Variants in THADA observed in about 807,000 individuals in gnomAD.
The protein encoded by THADA is tRNA (32-2'-O)-methyltransferase regulator THADA.
In THADA, 213 loss-of-function variants were observed where a neutral mutation model predicts 219.8. The ratio of observed to expected loss-of-function variants is 0.97; its 90% CI spans 0.87 to 1.09. The LOEUF is 1.09. Among genes scored for constraint, THADA ranks in the 50% least tolerant of loss-of-function variants. The pLI is 0.00. For missense variants in THADA, 2,956 were observed against 2,311.3 expected (o/e 1.28, Z -5.72); for synonymous variants, 1,018 against 828.9 (o/e 1.23, Z -3.92).
intron 29 of THADA, among the ~76,000 whole-genome samples, chr2:43,360,933 G>C (rs1312347888): frequency 6.6e-6 from 1 of 152,100 alleles, no homozygotes; most frequent in Non-Finnish European, 1.5e-5. Context: ...AGTTCTAAAC[G>C]TGGAATGAGT....
rs573931178 is a variant in THADA, at chr2:43,502,548, G to C, written c.3621+3074C>G. On this transcript the variant is annotated intron_variant, in intron 24 of 37. Transcript: ENST00000405975. ...TGCAGTGAGCTGAGATCGTGCCACT[G>C]CCCTCCAGCCTAGGCCACAGAGTGA... 5.7e-5 allele frequency among the ~76,000 whole-genome samples: 8 copies of C among 141,280 alleles called. No homozygotes were observed. In the East Asian group the frequency reaches 1.0e-3, roughly 18 times the overall value. The allele number at this position is 141,280 out of a possible 152,430, so 92.7% of individuals were successfully genotyped here. A position where few individuals can be genotyped will look rare whatever the true frequency, so the allele number is the denominator to read the frequency against.
intron 26 of THADA, among the ~76,000 whole-genome samples, chr2:43,438,850 TAAC>T (rs752731339): frequency 1.7e-4 from 26 of 152,280 alleles, no homozygotes; most frequent in African/African-American, 5.3e-4. Flanking sequence ...AGTAAGAGAT[TAAC>T]AACAATAATA....
In THADA at chr2:43,542,652, G is replaced by C. The variant is rs576339092; in HGVS notation, c.3107-1336C>G. 2.0e-5 allele frequency among the ~76,000 whole-genome samples: 3 copies of C among 152,270 alleles called. No individual in the cohort carries two copies. In the South Asian group the frequency reaches 6.2e-4, roughly 32 times the overall value. Reference sequence around the variant, plus strand: ...CTAATAAGGTTTGTTTCCTTTAAAAGCCTGCTTGACTTTAAGAACTCTCAC... The same window carrying C: ...CTAATAAGGTTTGTTTCCTTTAAAACCCTGCTTGACTTTAAGAACTCTCAC... On this transcript the variant is annotated intron_variant, in intron 20 of 37. Coordinates refer to ENST00000405975, the MANE Select transcript of THADA (RefSeq NM_022065.5).
At chr2:43,423,953 T>C (rs2104798996) in intron 28 of THADA, among the ~76,000 whole-genome samples, 1 of 152,332 alleles carries the variant, frequency 6.6e-6, no homozygotes, top group South Asian at 2.1e-4. Context: ...TTCTGCTTTG[T>C]GGTACCTGAA....
intron 30 of THADA, 160 bp downstream of exon 30, chr2:43,343,962 T>C (rs1667343289): frequency 5.5e-6 from 3 of 542,056 alleles, no homozygotes; most frequent in Non-Finnish European, 9.9e-6. Context: ...AATATTTTTC[T>C]TTCTTTACCA....
At chr2:43,554,212 G>A (rs1697083770) in intron 17 of THADA, among the ~76,000 whole-genome samples, 1 of 152,072 alleles carries the variant, frequency 6.6e-6, no homozygotes, top group Non-Finnish European at 1.5e-5. Flanking sequence ...TGACATCTAT[G>A]TTTTCTTCCA....
chr2:43,263,136 A>C (rs1329813065), intron 36 of THADA, among the ~76,000 whole-genome samples: 2 of 152,062 alleles, frequency 1.3e-5, no homozygotes, highest in Non-Finnish European at 2.9e-5. Flanking sequence ...TAGTTCCCTA[A>C]ATGTGTCACG....
chr2:43,552,281 C>G lies in THADA; in HGVS notation c.2733G>C (p.Leu911=). ...TTGGAAATGCTGCTGCTGCCTGAAG[C>G]AGAGAATTTTCAGCCTGAGATACTT... is the stretch of plus-strand genomic sequence containing the variant. The part of the protein sequence containing the change: ...EEEVSQAENS[L]LQAAAAFPMY... Residue 911 remains leucine (L), a synonymous_variant, in exon 18 of 38, where the codon CTG becomes CTC. Coordinates refer to ENST00000405975, the MANE Select transcript of THADA (RefSeq NM_022065.5). The G allele has an allele frequency of 6.2e-7, 1 of 1,610,796 alleles. No homozygotes were observed. The highest frequency in any genetic ancestry group is 1.1e-5 in the South Asian group (1 of 90,284).
At chr2:43,454,602 A>AACACACACACAC (rs35970227) in intron 26 of THADA, among the ~76,000 whole-genome samples, 1 of 148,976 alleles carries the variant, frequency 6.7e-6, no homozygotes, top group African/African-American at 2.5e-5. Flanking sequence ...ACCCTGTCTA[A>AACACACACACAC]ACACACACAC....
rs1274891864 is a variant in THADA, at chr2:43,576,899, C to T, written c.1037+123G>A. ...TGAACTCCTGGCCTCAAGTGATCCT[C>T]TTGCCTCAGCCTACTGGGAGGGTAG... On this transcript the variant is annotated intron_variant, in intron 10 of 37. Coordinates refer to ENST00000405975, the MANE Select transcript of THADA (RefSeq NM_022065.5). 5 of 818,332 alleles carry T rather than the reference C, an allele frequency of 6.1e-6. No homozygotes were observed. The African/African-American group carries it at 8.6e-5, about 14-fold the overall frequency. 50.7% of individuals were successfully genotyped at this position (818,332 alleles called of 1,614,324 possible).
At chr2:43,553,193 A>C (rs1438608240) in intron 17 of THADA, among the ~76,000 whole-genome samples, 3 of 152,198 alleles carry the variant, frequency 2.0e-5, no homozygotes, top group Non-Finnish European at 4.4e-5. Flanking sequence ...GCTATTACAA[A>C]TAATGTTGCT....
chr2:43,512,588 C>T (rs562368756), intron 22 of THADA, among the ~76,000 whole-genome samples: 5 of 152,330 alleles, frequency 3.3e-5, no homozygotes, highest in East Asian at 1.9e-4. Context: ...CTGCAACCTC[C>T]GCCTCCCAGA....
chr2:43,323,589 G>A (rs772863753), intron 30 of THADA, among the ~76,000 whole-genome samples: 1 of 152,236 alleles, frequency 6.6e-6, no homozygotes, highest in Non-Finnish European at 1.5e-5. Context: ...CAGATAGGAT[G>A]TCTCCTGTGC....
At chr2:43,267,303 G>A (rs1163465548) in intron 36 of THADA, among the ~76,000 whole-genome samples, 1 of 152,212 alleles carries the variant, frequency 6.6e-6, no homozygotes, top group African/African-American at 2.4e-5. Context: ...CTGAGAGGGT[G>A]GACTCCCAAC....
At chr2:43,430,564 C>A in intron 26 of THADA, 1 of 477,148 alleles carries the variant, frequency 2.1e-6, no homozygotes, top group Admixed American at 2.7e-5. Flanking sequence ...TAAATTTTAT[C>A]AGGGAAGAAA....
chr2:43,306,843 G>A (rs1676923494), intron 31 of THADA, among the ~76,000 whole-genome samples: 1 of 152,186 alleles, frequency 6.6e-6, no homozygotes, highest in South Asian at 2.1e-4. Context: ...TGGATGTGAT[G>A]GCCATTCATT....
At chr2:43,305,185 G>C (rs1044070877) in intron 31 of THADA, among the ~76,000 whole-genome samples, 4 of 151,976 alleles carry the variant, frequency 2.6e-5, no homozygotes, top group African/African-American at 9.7e-5. Context: ...TATATTTGTA[G>C]AGAAAAGGAA....
intron 16 of THADA, among the ~76,000 whole-genome samples, chr2:43,558,611 G>A (rs956454529): frequency 6.6e-6 from 1 of 152,138 alleles, no homozygotes; most frequent in Non-Finnish European, 1.5e-5. Flanking sequence ...CTTCTCCCAT[G>A]CTGGATGCTT....
intron 28 of THADA, among the ~76,000 whole-genome samples, chr2:43,402,125 T>A (rs1424280274): frequency 6.6e-6 from 1 of 152,108 alleles, no homozygotes; most frequent in Non-Finnish European, 1.5e-5. Flanking sequence ...GTGGAGAACC[T>A]CCTGCTGCTC....
Sources: allele counts gnomAD v4.1 joint callset (sites outside exome capture counted in the v4.1 genomes callset), GRCh38; gene constraint gnomAD v4.1.1; transcripts MANE v1.5; gene names NCBI Gene and HGNC (gene_info 2026-07-23, HGNC 2026-07-21).